Variants in GPM6B observed in about 807,000 individuals in gnomAD.
GPM6B encodes the protein glycoprotein M6B.
In GPM6B, 4 loss-of-function variants were observed where a neutral mutation model predicts 27.2. That is an observed-to-expected ratio of 0.15 (90% confidence interval 0.07 to 0.34). The LOEUF (loss-of-function observed/expected upper bound fraction) is 0.34, where lower values mean the gene tolerates loss of function less well. GPM6B is among the 10% of genes least tolerant of loss of function. The pLI, the probability that GPM6B is intolerant of heterozygous loss-of-function variation, is 1.00. For synonymous variants in GPM6B, 124 were observed against 103.1 expected (o/e 1.20, Z -1.23); for missense variants, 183 against 261.9 (o/e 0.70, Z 2.08).
chrX:13,808,087 TTC>T (rs1486349291), intron 1 of GPM6B, among the ~76,000 whole-genome samples: 20 of 112,395 alleles, frequency 1.8e-4, no homozygotes, highest in African/African-American at 6.5e-4. Context: ...ATATTTTTCT[TTC>T]TGTTTCCTTT....
intron 1 of GPM6B, among the ~76,000 whole-genome samples, chrX:13,883,622 T>G (rs1603110242): frequency 1.3e-5 from 1 of 76,794 alleles, no homozygotes; most frequent in Non-Finnish European, 2.5e-5. Flanking sequence ...TTTGGAGAGG[T>G]CAAGGTGGGA....
At chrX:13,884,648 G>C (rs112829994) in intron 1 of GPM6B, among the ~76,000 whole-genome samples, 3 of 112,360 alleles carry the variant, frequency 2.7e-5, no homozygotes, top group African/African-American at 9.7e-5. Flanking sequence ...CTCATGAAAA[G>C]ATTCTGGAAC....
intron 1 of GPM6B, among the ~76,000 whole-genome samples, chrX:13,810,284 T>C (rs904535378): frequency 8.9e-6 from 1 of 112,214 alleles, no homozygotes. Context: ...TGGTATGATC[T>C]GATTTCCTCT....
intron 1 of GPM6B, among the ~76,000 whole-genome samples, chrX:13,840,404 G>A (rs1305865404): frequency 9.0e-6 from 1 of 111,377 alleles, no homozygotes; most frequent in African/African-American, 3.3e-5. Flanking sequence ...CTGCCTGCGG[G>A]CTCCGGGAAG....
At position 13,772,400 on chromosome X, in the gene GPM6B, C is replaced by CA. The variant is rs751156950; in HGVS notation, c.*480dup. ...CTTTGATCCAAAGTTTAATAAATGT[C>CA]AGCTGTCAGAAATGGAACTTTACAT... On this transcript the variant is annotated 3_prime_UTR_variant, in exon 8 of 8. Transcript: ENST00000316715. 8.9e-6 allele frequency: 1 copy of CA among 112,875 alleles called. No homozygotes were observed. Among genetic ancestry groups the CA allele is most frequent in the South Asian group, 3.7e-4 (1 of 2,719 alleles). 9.3% of individuals were successfully genotyped at this position (112,875 alleles called of 1,213,427 possible). A position where few individuals can be genotyped will look rare whatever the true frequency, so the allele number is the denominator to read the frequency against.
chrX:13,909,719 C>T (rs753421805), intron 1 of GPM6B, among the ~76,000 whole-genome samples: 6 of 110,704 alleles, frequency 5.4e-5, no homozygotes, highest in South Asian at 3.9e-4. Context: ...AAGAGGAGGC[C>T]GAAGCTCAGA....
At chrX:13,848,060 A>G (rs1422662436) in intron 1 of GPM6B, among the ~76,000 whole-genome samples, 3 of 112,063 alleles carry the variant, frequency 2.7e-5, no homozygotes, top group Non-Finnish European at 5.6e-5. Flanking sequence ...AAGTTGACAG[A>G]TGACAGCTTG....
At chrX:13,858,543 G>A (rs965430940) in intron 1 of GPM6B, among the ~76,000 whole-genome samples, 2 of 111,670 alleles carry the variant, frequency 1.8e-5, no homozygotes, top group Non-Finnish European at 3.8e-5. Flanking sequence ...CTCCAGGCTA[G>A]AGAACTGGGA....
Position 13,822,931 on chromosome X carries a change from A to G in GPM6B, c.-197-37123T>C, listed in dbSNP as rs1329443916. Among the ~76,000 whole-genome samples the G allele has an allele frequency of 3.6e-5, 4 of 112,310 alleles. No homozygotes were observed. In the Admixed American group the frequency reaches 3.8e-4, roughly 11 times the overall value. ...ACACATAGCATGGAGCCAGGAATTT[A>G]GAATGTGACTGTCTACATTTGGGTC... On this transcript the variant is annotated intron_variant, in intron 1 of 6. Coordinates refer to the GPM6B transcript ENST00000398361.
intron 3 of GPM6B, chrX:13,783,961 G>A (rs902604975): frequency 3.4e-6 from 1 of 294,245 alleles, no homozygotes. Context: ...AGGCCTAGTG[G>A]TTAATGTCAC....
intron 1 of GPM6B, among the ~76,000 whole-genome samples, chrX:13,859,302 T>C (rs1357943814): frequency 8.9e-6 from 1 of 112,158 alleles, no homozygotes; most frequent in Non-Finnish European, 1.9e-5. Flanking sequence ...TAGGCTTTTC[T>C]AGAATGTTAC....
At chrX:13,857,510 C>G (rs767755468) in intron 1 of GPM6B, among the ~76,000 whole-genome samples, 1 of 112,390 alleles carries the variant, frequency 8.9e-6, no homozygotes, top group South Asian at 3.7e-4. Context: ...ATCATAGCAT[C>G]TTAGATCTGG....
At chrX:13,817,357 A>G (rs2049257558), upstream of GPM6B, 2 of 750,859 alleles carry the variant, frequency 2.7e-6, no homozygotes, top group African/African-American at 4.6e-5. Context: ...AAGTACACCC[A>G]ATGAATGCTA....
At chrX:13,798,027 C>T (rs746480486) in intron 2 of GPM6B, among the ~76,000 whole-genome samples, 18 of 110,144 alleles carry the variant, frequency 1.6e-4, no homozygotes, top group Admixed American at 9.6e-4. Flanking sequence ...GTGGCAGCCA[C>T]ATTGCCATGC....
At chrX:13,838,769 C>T (rs1347518731) in intron 1 of GPM6B, among the ~76,000 whole-genome samples, 2 of 111,546 alleles carry the variant, frequency 1.8e-5, no homozygotes, top group African/African-American at 6.5e-5. Context: ...TACACATGGT[C>T]CCTGCAGAAC....
rs187016793 is a variant in GPM6B, at chrX:13,867,196, A to G, written c.-198+71131T>C. Among the ~76,000 whole-genome samples the G allele has an allele frequency of 3.6e-5, 4 of 111,360 alleles. No individual in the cohort carries two copies. The East Asian group carries it at 1.1e-3, about 31-fold the overall frequency. On this transcript the variant is annotated intron_variant, in intron 1 of 6. Coordinates refer to the GPM6B transcript ENST00000398361. Reference sequence around the variant, plus strand: ...GCAATCACAGCTCACTGTAGCCTCAATCTCCTGGGCTCAAGAAATCCTCCC... The same window carrying G: ...GCAATCACAGCTCACTGTAGCCTCAGTCTCCTGGGCTCAAGAAATCCTCCC...
rs1342341666 is a variant in GPM6B at position 13,911,749 on chromosome X, C to T, written c.-198+26578G>A. Among the ~76,000 whole-genome samples, 3 of 112,192 alleles carry T rather than the reference C, an allele frequency of 2.7e-5. No individual in the cohort carries two copies. The South Asian group carries it at 1.1e-3, about 41-fold the overall frequency. Reference sequence around the variant, plus strand: ...CACCAAGAGGTTTACATAATACAAGCTTGAGCTCTGTGATCTTATTGGGTA... The same window carrying T: ...CACCAAGAGGTTTACATAATACAAGTTTGAGCTCTGTGATCTTATTGGGTA... On this transcript the variant is annotated intron_variant, in intron 1 of 6. Transcript: ENST00000398361.
At position 13,778,555 on chromosome X, in the gene GPM6B, G is replaced by GA. The variant is rs1202853630; in HGVS notation, c.698-1131dup. ...GAGGTTAAGGAAAGGAGTATTAGAA[G>GA]AAAAAAAATCCTTATTCCTTTCATC... On this transcript the variant is annotated intron_variant, in intron 5 of 7. Transcript: ENST00000316715. Among the ~76,000 whole-genome samples the GA allele has an allele frequency of 7.2e-5, 8 of 110,823 alleles. No individual in the cohort carries two copies. The South Asian group carries it at 2.7e-3, about 37-fold the overall frequency.
At chrX:13,818,256 T>C (rs987989976), upstream of GPM6B, among the ~76,000 whole-genome samples, 2 of 112,633 alleles carry the variant, frequency 1.8e-5, no homozygotes, top group South Asian at 3.6e-4. Context: ...TGACCACTGA[T>C]AGGATTCCCA....
Sources: gnomAD v4.1 joint callset for allele counts (sites outside exome capture counted in the v4.1 genomes callset) on GRCh38, gnomAD v4.1.1 for gene constraint, MANE v1.5 for transcripts, NCBI Gene and HGNC (gene_info 2026-07-23, HGNC 2026-07-21) for gene names.